BAP1: variants seen among roughly 807,000 people sequenced by gnomAD.
The protein encoded by BAP1 is ubiquitin carboxyl-terminal hydrolase BAP1.
BAP1 carries 16 observed loss-of-function variants against 77.2 expected under a neutral mutation model. The ratio of observed to expected loss-of-function variants is 0.21; its 90% CI spans 0.14 to 0.31. BAP1 has a LOEUF of 0.31. BAP1 is among the 10% of genes least tolerant of loss of function. BAP1 has a pLI of 1.00. For synonymous variants in BAP1, 362 were observed against 385.2 expected, an observed-to-expected ratio of 0.94 and a Z score of 0.71; for missense variants, 699 against 967.3, an observed-to-expected ratio of 0.72 and a Z score of 3.68.
At position 52,404,474 on chromosome 3, in the gene BAP1, T is replaced by G; in HGVS notation, c.1229A>C (p.Gln410Pro). 1 of 1,614,256 alleles carries G rather than the reference T, an allele frequency of 6.2e-7. No homozygotes were observed. The highest frequency in any genetic ancestry group is 8.5e-7 in the Non-Finnish European group (1 of 1,180,046). The change falls in exon 12 of 17, where the codon CAG becomes CCG. Residue 410 changes from glutamine (Q) to proline (P), a missense_variant. Physicochemically the swap from Gln to Pro is moderately conservative, Grantham distance 76 (BLOSUM62 -1). This residue lies in a region of BAP1 where 475 missense variants were observed against 532.4 expected (regional missense o/e 0.89). Transcript: ENST00000460680. ...DYEDDEEDDVQNTNSALRYKG... is the reference protein window; with the variant it reads ...DYEDDEEDDVPNTNSALRYKG... Reference sequence around the variant, plus strand: ...TGACCTAAGGGCAGAGTTGGTGTTCTGCACGTCATCCTCCTCGTCATCCTC... The same window carrying G: ...TGACCTAAGGGCAGAGTTGGTGTTCGGCACGTCATCCTCCTCGTCATCCTC...
rs751298953 is a variant in BAP1, at chr3:52,406,326, C to A, written c.710G>T (p.Arg237Leu). 1 of 1,614,174 alleles carries A rather than the reference C, an allele frequency of 6.2e-7. No individual in the cohort carries two copies. Among genetic ancestry groups the A allele is most frequent in the South Asian group, 1.1e-5 (1 of 91,086 alleles). ...RFNLMAVVPD[R>L]RIKYEARLHV... Reference sequence around the variant, plus strand: ...CAGCCTGGCCTCATACTTGATCCTGCGGTCGGGCACCACTGCCATCAGGTT... The same window carrying A: ...CAGCCTGGCCTCATACTTGATCCTGAGGTCGGGCACCACTGCCATCAGGTT... The change falls in exon 9 of 17, where the codon CGC becomes CTC. Residue 237 changes from arginine to leucine, a missense_variant. Transcript: ENST00000460680. This position sits in a 1 kb window ranked among gnomAD's most constrained non-coding sequence, Gnocchi z 4.6.
At chr3:52,404,337 A>G in intron 12 of BAP1, 116 bp downstream of exon 12, 1 of 1,578,178 alleles carries the variant, frequency 6.3e-7, no homozygotes, top group Non-Finnish European at 8.7e-7. Context: ...CCAGGGCCCC[A>G]AACTCCGCAG....
At position 52,406,199 on chromosome 3, in the gene BAP1, G is replaced by A. The variant is rs1010265447; in HGVS notation, c.783+54C>T. On this transcript the variant is annotated intron_variant, in intron 9 of 16. Transcript: ENST00000460680. This position sits in a 1 kb window ranked among gnomAD's most constrained non-coding sequence, Gnocchi z 4.6. Reference sequence around the variant, plus strand: ...AGACAAATGCTGTGGGGGAAGGGAGGAGGAATGCAGGGAGGGTTGGGCTGG... The same window carrying A: ...AGACAAATGCTGTGGGGGAAGGGAGAAGGAATGCAGGGAGGGTTGGGCTGG... 1.5e-4 allele frequency: 245 copies of A among 1,611,390 alleles called. 1 individual carries two copies. The Middle Eastern group carries it at 4.3e-3, about 28-fold the overall frequency.
rs752302472 is a variant in BAP1, at chr3:52,403,706, G to A, written c.1439C>T (p.Thr480Ile). The A allele has an allele frequency of 1.2e-6, 2 of 1,613,944 alleles. No homozygotes were observed. The highest frequency in any genetic ancestry group is 2.7e-5 in the African/African-American group (2 of 74,914). Reference protein sequence around the residue: ...GAGSPAVAVPTHSQPSPTPSN... With the variant: ...GAGSPAVAVPIHSQPSPTPSN... ...GGGGGTGGGTGAGGGCTGCGAGTGT[G>A]TGGGCACTGCCACAGCCGGACTCCC... Residue 480 changes from threonine (T) to isoleucine (I), a missense_variant, in exon 13 of 17, where the codon ACA (threonine) becomes ATA (isoleucine). By Grantham distance (89) the Thr-to-Ile change is moderately conservative. Transcript: ENST00000460680. This position sits in a 1 kb window ranked among gnomAD's most constrained non-coding sequence, Gnocchi z 4.0.
At chr3:52,409,219 C>T (rs1307893853) in intron 3 of BAP1, among the ~76,000 whole-genome samples, 2 of 152,214 alleles carry the variant, frequency 1.3e-5, no homozygotes, top group Admixed American at 6.5e-5. Context: ...AAGCCAAGGA[C>T]ACATGGGCAC....
chr3:52,409,721 T>C lies in BAP1; in HGVS notation c.60A>G (p.Glu20=), dbSNP rs1705306247. The part of the protein sequence containing the change: ...SDPGLFTLLV[E]DFGVKGVQVE... ...GGGAGAAAAGGCTCTTACCGAAATC[T>C]TCCACGAGCAGGGTGAAGAGGCCTG... is the stretch of plus-strand genomic sequence containing the variant. The change falls in exon 2 of 17, where the codon GAA becomes GAG. Residue 20 remains glutamate (E), a synonymous_variant. Coordinates refer to ENST00000460680, the MANE Select transcript of BAP1 (RefSeq NM_004656.4). The C allele has an allele frequency of 6.2e-7, 1 of 1,614,046 alleles. No individual in the cohort carries two copies. The highest frequency in any genetic ancestry group is 8.5e-7 in the Non-Finnish European group (1 of 1,179,972).
At position 52,402,573 on chromosome 3, in the gene BAP1, C is replaced by T. The variant is rs1186906678; in HGVS notation, c.2056+29G>A. ...AGGACACGGCCCTCAGCAGGGCATT[C>T]CAGTTAAGACAGCAGCGCATCCCCT... On this transcript the variant is annotated intron_variant, in intron 16 of 16. Transcript: ENST00000460680. This position sits in a 1 kb window ranked among gnomAD's most constrained non-coding sequence, Gnocchi z 5.3. 1 of 1,613,634 alleles carries T rather than the reference C, an allele frequency of 6.2e-7. No homozygotes were observed. Among genetic ancestry groups the T allele is most frequent in the Non-Finnish European group, 8.5e-7 (1 of 1,179,720 alleles).
intron 4 of BAP1, 79 bp from the exon 5 acceptor site, chr3:52,408,156 T>G: frequency 6.4e-7 from 1 of 1,552,944 alleles, no homozygotes; most frequent in East Asian, 2.4e-5. Context: ...AGAATGGGGA[T>G]CCAGAGCAGG....
chr3:52,405,826 G>A lies in BAP1; in HGVS notation c.870C>T (p.Asn290=), dbSNP rs1450323802. Reference sequence around the variant, plus strand: ...TTGCTTCCAGCACCAGCGGGGACTTGTTGCTGGCTGACTTGGACTCCTCAG... The same window carrying A: ...TTGCTTCCAGCACCAGCGGGGACTTATTGCTGGCTGACTTGGACTCCTCAG... ...QLPEESKSAS[N]KSPLVLEANR... The change falls in exon 10 of 17, where the codon AAC becomes AAT. Residue 290 remains asparagine (N), a synonymous_variant. Transcript: ENST00000460680. 1.2e-6 allele frequency: 2 copies of A among 1,614,084 alleles called. No individual in the cohort carries two copies. The highest frequency in any genetic ancestry group is 1.7e-5 in the Admixed American group (1 of 60,028).
intron 10 of BAP1, chr3:52,405,521 A>AAAAAAC: frequency 3.5e-5 from 17 of 481,106 alleles, no homozygotes; most frequent in East Asian, 1.2e-4. Flanking sequence ...AAAAAAAAAA[A>AAAAAAC]CCGCCTCTAG....
chr3:52,406,635 C>A lies in BAP1; in HGVS notation c.659+194G>T. The A allele has an allele frequency of 1.1e-6, 1 of 874,408 alleles. No individual in the cohort carries two copies. Among genetic ancestry groups the A allele is most frequent in the Non-Finnish European group, 1.8e-6 (1 of 564,428 alleles). The allele number at this position is 874,408 out of a possible 1,614,324, so 54.2% of individuals were successfully genotyped here. A position where few individuals can be genotyped will look rare whatever the true frequency, so the allele number is the denominator to read the frequency against. On this transcript the variant is annotated intron_variant, in intron 8 of 16. Transcript: ENST00000460680. The surrounding 1 kb of genome is among the most constrained non-coding windows in gnomAD (Gnocchi z 4.6). The stretch of plus-strand genomic sequence containing the variant: ...GCTCCACTGAGGCCTGCCCCTCCCC[C>A]AGCCCACCCAGGAGCAGGCCACAGG...
At chr3:52,404,733 G>A (rs1705094939) in intron 11 of BAP1, 147 bp from the exon 12 acceptor site, 1 of 1,255,180 alleles carries the variant, frequency 8.0e-7, no homozygotes, top group African/African-American at 1.5e-5. Flanking sequence ...TCCTTGGCTT[G>A]TGGGGAGGCT....
rs546104371 is a variant in BAP1, at chr3:52,409,455, G to C, written c.122+99C>G. 24 of 1,477,628 alleles carry C rather than the reference G, an allele frequency of 1.6e-5. No homozygotes were observed. The East Asian group carries it at 1.8e-4, about 11-fold the overall frequency. 91.5% of individuals were successfully genotyped at this position (1,477,628 alleles called of 1,614,324 possible). ...GCTGCTTTCTGTGAGATTTTACAAC[G>C]TAGGGTTCCTGGCACTGTCTTCCCT... On this transcript the variant is annotated intron_variant, in intron 3 of 16. Coordinates refer to ENST00000460680, the MANE Select transcript of BAP1 (RefSeq NM_004656.4).
rs1314020218 is a variant in BAP1, at chr3:52,403,142, G to C, written c.1886C>G (p.Pro629Arg). The change falls in exon 14 of 17, where the codon CCC becomes CGC. Residue 629 changes from proline (P) to arginine (R), a missense_variant. Transcript: ENST00000460680. This position sits in a 1 kb window ranked among gnomAD's most constrained non-coding sequence, Gnocchi z 4.0. ...GEPLSGEKYS[P>R]KELLALLKCV... The stretch of plus-strand genomic sequence containing the variant: ...AAAACCACAACGGAGGCTCACCTTG[G>C]GTGAGTATTTCTCCCCACTCAAGGG... 6.2e-7 allele frequency: 1 copy of C among 1,613,330 alleles called. No homozygotes were observed. The highest frequency in any genetic ancestry group is 8.5e-7 in the Non-Finnish European group (1 of 1,180,012).
chr3:52,404,399 C>G lies in BAP1; in HGVS notation c.1250+54G>C, dbSNP rs1329799166. On this transcript the variant is annotated intron_variant, in intron 12 of 16. Transcript: ENST00000460680. ...ATTCTCAGACACAGACTGAGATATTCAGGATGGGATCCGAAGCACCTAGAA... is the reference window on the plus strand; with the variant it reads ...ATTCTCAGACACAGACTGAGATATTGAGGATGGGATCCGAAGCACCTAGAA... 3 of 1,613,370 alleles carry G rather than the reference C, an allele frequency of 1.9e-6. No individual in the cohort carries two copies. The African/African-American group carries it at 4.0e-5, about 22-fold the overall frequency.
rs898317278 is a variant in BAP1 at position 52,409,565 on chromosome 3, G to A, written c.111C>T (p.Ser37=). 6.2e-7 allele frequency: 1 copy of A among 1,614,184 alleles called. No individual in the cohort carries two copies. Among genetic ancestry groups the A allele is most frequent in the Non-Finnish European group, 8.5e-7 (1 of 1,180,024 alleles). ...GTACAGCCACTCACCCCTGACATTT[G>A]CTCTGAAGGTCGTAGATCTCCTCCA... The part of the protein sequence containing the change: ...VQVEEIYDLQ[S]KCQGPVYGFI... Residue 37 remains serine (S), a synonymous_variant, in exon 3 of 17, where the codon AGC becomes AGT. Transcript: ENST00000460680.
At chr3:52,408,628 G>A in intron 3 of BAP1, 22 bp from the exon 4 acceptor site, 3 of 1,603,974 alleles carry the variant, frequency 1.9e-6, no homozygotes, top group Non-Finnish European at 2.6e-6. Flanking sequence ...AAGGGGCAGA[G>A]CCAGATCAGC....
intron 5 of BAP1, among the ~76,000 whole-genome samples, 161 bp from the exon 6 acceptor site, chr3:52,407,621 G>A (rs1367498886): frequency 6.6e-6 from 1 of 152,136 alleles, no homozygotes; most frequent in Non-Finnish European, 1.5e-5. Flanking sequence ...AAGAGCTCTG[G>A]AGCCCCAAAG....
intron 3 of BAP1, among the ~76,000 whole-genome samples, chr3:52,408,915 G>A (rs1441087247): frequency 1.3e-5 from 2 of 152,220 alleles, no homozygotes; most frequent in East Asian, 3.8e-4. Flanking sequence ...GCCAAGGATG[G>A]GACAGGGTAG....
Sources: allele counts gnomAD v4.1 joint callset (sites outside exome capture counted in the v4.1 genomes callset), GRCh38; gene constraint gnomAD v4.1.1; regional missense constraint gnomAD v4.1.1; non-coding constraint Gnocchi (gnomAD v3.1); transcripts MANE v1.5; gene names NCBI Gene and HGNC (gene_info 2026-07-23, HGNC 2026-07-21).